The following PPP3CA variants were observed in gnomAD, a reference collection of about 807,000 sequenced individuals.
The protein encoded by PPP3CA is CAM-PRP catalytic subunit.
A neutral mutation model predicts 66.5 loss-of-function variants in PPP3CA; 14 were observed. The ratio of observed to expected loss-of-function variants is 0.21; its 90% confidence interval spans 0.14 to 0.33. PPP3CA has a LOEUF of 0.33. Among genes scored for constraint, PPP3CA ranks in the 10% least tolerant of loss-of-function variants. PPP3CA has a pLI of 1.00. For synonymous variants in PPP3CA, 232 were observed against 226.2 expected (o/e 1.03, Z -0.23); for missense variants, 317 against 639.5 (o/e 0.50, Z 5.44).
chr4:101,308,659 C>A (rs1260252766), intron 1 of PPP3CA, among the ~76,000 whole-genome samples: 3 of 152,082 alleles, frequency 2.0e-5, no homozygotes, highest in African/African-American at 7.2e-5. Context: ...TTTCTAACTC[C>A]TGGCCTCAAG....
chr4:101,308,108 C>T (rs546933686), intron 1 of PPP3CA, among the ~76,000 whole-genome samples: 1 of 152,268 alleles, frequency 6.6e-6, no homozygotes, highest in Non-Finnish European at 1.5e-5. Context: ...TATAATGACT[C>T]ATGTCCACAT....
chr4:101,233,078 C>G (rs1342329869), intron 1 of PPP3CA, among the ~76,000 whole-genome samples: 1 of 151,768 alleles, frequency 6.6e-6, no homozygotes, highest in African/African-American at 2.4e-5. Flanking sequence ...AGCCACCTAA[C>G]TCATAGGAAA....
At chr4:101,282,466 G>T (rs896812616) in intron 1 of PPP3CA, among the ~76,000 whole-genome samples, 1 of 152,170 alleles carries the variant, frequency 6.6e-6, no homozygotes, top group African/African-American at 2.4e-5. Flanking sequence ...CCACTGGCCT[G>T]TTCTAAATGA....
At chr4:101,277,708 T>C (rs552696583) in intron 1 of PPP3CA, among the ~76,000 whole-genome samples, 58 of 152,322 alleles carry the variant, frequency 3.8e-4, no homozygotes, top group African/African-American at 1.3e-3. Flanking sequence ...TTTTACATTT[T>C]CCAGTGACAA....
chr4:101,030,336 T>G (rs1342709194), intron 12 of PPP3CA, among the ~76,000 whole-genome samples: 4 of 152,132 alleles, frequency 2.6e-5, no homozygotes, highest in Non-Finnish European at 4.4e-5. Context: ...GGATTCGAGA[T>G]TCCTTATGAT....
intron 1 of PPP3CA, among the ~76,000 whole-genome samples, chr4:101,285,619 G>C (rs1029768785): frequency 4.8e-5 from 7 of 146,766 alleles, no homozygotes; most frequent in African/African-American, 1.8e-4. Context: ...GTGTGTGTGT[G>C]TGTGTGTGTG....
intron 2 of PPP3CA, among the ~76,000 whole-genome samples, chr4:101,144,789 C>T (rs1206208712): frequency 6.6e-6 from 1 of 152,098 alleles, no homozygotes; most frequent in Non-Finnish European, 1.5e-5. Context: ...TAGATATTCC[C>T]TGAGGTTCAT....
At chr4:101,163,329 T>C (rs971485454) in intron 2 of PPP3CA, among the ~76,000 whole-genome samples, 1 of 152,158 alleles carries the variant, frequency 6.6e-6, no homozygotes, top group Non-Finnish European at 1.5e-5. Context: ...CAGTGTGAAA[T>C]ATCTGGGGCT....
At position 101,048,677 on chromosome 4, in the gene PPP3CA, C is replaced by A. The variant is rs75987596; in HGVS notation, c.1157-8111G>T. On this transcript the variant is annotated intron_variant, in intron 10 of 13. Transcript: ENST00000394854. ...TTTAGAATATCTTTCTAATATGGATCCTAACTCTATTACCTATCCTTCCCA... is the reference window on the plus strand; with the variant it reads ...TTTAGAATATCTTTCTAATATGGATACTAACTCTATTACCTATCCTTCCCA... Among the ~76,000 whole-genome samples the A allele has an allele frequency of 6.3e-3, 954 of 152,072 alleles. 10 individuals carry two copies. The highest frequency in any genetic ancestry group is 0.022 in the African/African-American group (911 of 41,474).
intron 1 of PPP3CA, among the ~76,000 whole-genome samples, chr4:101,311,796 C>T (rs769130063): frequency 6.6e-6 from 1 of 152,062 alleles, no homozygotes; most frequent in Admixed American, 6.6e-5. Context: ...AAAAATGATA[C>T]CATCGCTCAG....
intron 2 of PPP3CA, among the ~76,000 whole-genome samples, chr4:101,135,442 A>AACATTATTCT (rs1722592790): frequency 6.6e-6 from 1 of 152,184 alleles, no homozygotes; most frequent in Non-Finnish European, 1.5e-5. Flanking sequence ...ACTCAGGATT[A>AACATTATTCT]ACATTATTCT....
At chr4:101,206,686 T>G (rs1268117562) in intron 1 of PPP3CA, among the ~76,000 whole-genome samples, 1 of 152,234 alleles carries the variant, frequency 6.6e-6, no homozygotes, top group Admixed American at 6.5e-5. Context: ...TCTAGTCCAG[T>G]ACTCTGGCAT....
chr4:101,265,474 G>A (rs568008110), intron 1 of PPP3CA, among the ~76,000 whole-genome samples: 1 of 152,128 alleles, frequency 6.6e-6, no homozygotes, highest in South Asian at 2.1e-4. Flanking sequence ...GAATCCCAAA[G>A]AATAGAAAGA....
chr4:101,106,407 A>G (rs180996196), intron 3 of PPP3CA, among the ~76,000 whole-genome samples: 179 of 10,154 alleles, frequency 0.018, 2 homozygotes, highest in Admixed American at 0.03. Context: ...GAAAGAAAGA[A>G]AGAAAGAAAG....
intron 1 of PPP3CA, among the ~76,000 whole-genome samples, chr4:101,206,516 C>A (rs1397703804): frequency 6.6e-6 from 1 of 152,134 alleles, no homozygotes; most frequent in African/African-American, 2.4e-5. Context: ...ATAAAAGAAA[C>A]TTTCAAGTAA....
intron 1 of PPP3CA, among the ~76,000 whole-genome samples, chr4:101,252,391 T>C (rs545161381): frequency 1.3e-5 from 2 of 152,202 alleles, no homozygotes; most frequent in Admixed American, 6.5e-5. Flanking sequence ...AATATAAGCA[T>C]TCACTCAATT....
chr4:101,069,915 T>C (rs994538456), intron 8 of PPP3CA, among the ~76,000 whole-genome samples: 1 of 152,182 alleles, frequency 6.6e-6, no homozygotes, highest in African/African-American at 2.4e-5. Flanking sequence ...TAATTGACTG[T>C]TTATGTTATC....
intron 2 of PPP3CA, among the ~76,000 whole-genome samples, chr4:101,160,539 C>T (rs748876496): frequency 4.6e-5 from 7 of 152,124 alleles, no homozygotes; most frequent in Non-Finnish European, 8.8e-5. Flanking sequence ...TGTGAATACT[C>T]GAGAAGCAAA....
chr4:101,218,452 C>T (rs1044793076), intron 1 of PPP3CA, among the ~76,000 whole-genome samples: 21 of 151,840 alleles, frequency 1.4e-4, no homozygotes, highest in African/African-American at 4.4e-4. Flanking sequence ...TTGAAACATA[C>T]TCTCCTGCCC....
Sources: allele counts gnomAD v4.1 joint callset (sites outside exome capture counted in the v4.1 genomes callset), GRCh38; gene constraint gnomAD v4.1.1; transcripts MANE v1.5; gene names NCBI Gene and HGNC (gene_info 2026-07-23, HGNC 2026-07-21).